Variants in SFMBT2 observed in about 807,000 individuals in gnomAD.
The protein encoded by SFMBT2 is Scm like with four mbt domains 2.
A neutral mutation model predicts 110.1 loss-of-function variants in SFMBT2; 38 were observed. The observed-to-expected ratio is 0.35, with a 90% CI of 0.27 to 0.45. SFMBT2 has a LOEUF of 0.45. SFMBT2 is among the 20% of genes least tolerant of loss of function. The pLI is 1.00. For missense variants in SFMBT2, 1,011 were observed against 1,094.9 expected, an observed-to-expected ratio of 0.92 and a Z score of 1.08; for synonymous variants, 425 against 425.4, an observed-to-expected ratio of 1.00 and a Z score of 0.01.
At chr10:7,400,549 T>C (rs1436455946) in intron 1 of SFMBT2, among the ~76,000 whole-genome samples, 2 of 152,176 alleles carry the variant, frequency 1.3e-5, no homozygotes, top group Non-Finnish European at 2.9e-5. Flanking sequence ...CATCCAGCGG[T>C]TGGCATCTCC....
Position 7,243,448 on chromosome 10 carries a change from C to A in SFMBT2, c.1120+110G>T, listed in dbSNP as rs1298134857. The A allele has an allele frequency of 4.0e-6, 3 of 746,028 alleles. No individual in the cohort carries two copies. In the African/African-American group the frequency reaches 5.2e-5, roughly 13 times the overall value. 46.2% of individuals were successfully genotyped at this position (746,028 alleles called of 1,614,324 possible). On this transcript the variant is annotated intron_variant, in intron 9 of 20. Transcript: ENST00000397167. ...GAAGAACGCCCTATTTCTACTACAT[C>A]TAAACCCTTTACACAACCAGCCTCC...
chr10:7,258,831 A>G (rs1015500599), intron 7 of SFMBT2, among the ~76,000 whole-genome samples: 1 of 152,242 alleles, frequency 6.6e-6, no homozygotes, highest in Non-Finnish European at 1.5e-5. Context: ...TAGTATTATG[A>G]CATTTCAATT....
chr10:7,362,654 C>T (rs1303036459), intron 4 of SFMBT2, among the ~76,000 whole-genome samples: 1 of 152,262 alleles, frequency 6.6e-6, no homozygotes. Context: ...CTGTTATCCA[C>T]AACCAACTGA....
chr10:7,367,569 T>C lies in SFMBT2; in HGVS notation c.436+80A>G. ...AGACCATTAGGGATTCTACGCAAGG[T>C]TCTCTCTGCTCCTTGCAAAATTACA... is the stretch of plus-strand genomic sequence containing the variant. On this transcript the variant is annotated intron_variant, in intron 4 of 20. Transcript: ENST00000397167. The surrounding 1 kb of genome is among the most constrained non-coding windows in gnomAD (Gnocchi z 6.2). The C allele has an allele frequency of 6.5e-7, 1 of 1,537,230 alleles. No homozygotes were observed. The highest frequency in any genetic ancestry group is 1.3e-5 in the South Asian group (1 of 79,850).
Position 7,227,925 on chromosome 10 carries a change from T to C in SFMBT2, c.1133A>G (p.Gln378Arg), listed in dbSNP as rs1368060992. 3 of 1,593,248 alleles carry C rather than the reference T, an allele frequency of 1.9e-6. No individual in the cohort carries two copies. Among genetic ancestry groups the C allele is most frequent in the Non-Finnish European group, 2.6e-6 (3 of 1,173,418 alleles). Reference protein sequence around the residue: ...SLTPPKGYSGQDFDWADYHKQ... With the variant: ...SLTPPKGYSGRDFDWADYHKQ... ...GTGATAATCTGCCCAGTCGAAGTCCTGGCCAGAGTAACCTGGGAATGACAA... is the reference window on the plus strand; with the variant it reads ...GTGATAATCTGCCCAGTCGAAGTCCCGGCCAGAGTAACCTGGGAATGACAA... The change falls in exon 10 of 21, where the codon CAG (glutamine) becomes CGG (arginine). Residue 378 changes from glutamine to arginine, a missense_variant. By Grantham distance (43) the Gln-to-Arg change is conservative. This residue lies in a region of SFMBT2 where 979 missense variants were observed against 1,016.1 expected (regional missense o/e 0.96). Coordinates refer to ENST00000397167, the MANE Select transcript of SFMBT2 (RefSeq NM_001387889.1).
In SFMBT2 at chr10:7,370,458, C is replaced by A. The variant is rs1312710199; in HGVS notation, c.101-83G>T. 6.0e-6 allele frequency: 7 copies of A among 1,166,340 alleles called. No individual in the cohort carries two copies. The African/African-American group carries it at 9.1e-5, about 15-fold the overall frequency. 72.2% of individuals were successfully genotyped at this position (1,166,340 alleles called of 1,614,324 possible). On this transcript the variant is annotated intron_variant, in intron 2 of 20. Coordinates refer to ENST00000397167, the MANE Select transcript of SFMBT2 (RefSeq NM_001387889.1). ...GGCCTGCAACTGAGACCAGAAAATCCTTCATACAAGACACAAGCTAATTCC... is the reference window on the plus strand; with the variant it reads ...GGCCTGCAACTGAGACCAGAAAATCATTCATACAAGACACAAGCTAATTCC...
intron 10 of SFMBT2, among the ~76,000 whole-genome samples, chr10:7,222,656 G>T (rs1839780105): frequency 6.6e-6 from 1 of 151,966 alleles, no homozygotes; most frequent in African/African-American, 2.4e-5. Flanking sequence ...AGATCTGCTG[G>T]GGTTCAATCC....
chr10:7,408,561 C>T lies in SFMBT2; in HGVS notation c.-52+2300G>A, dbSNP rs1846285026. ...CCGGAGGAGGTCCTCCCACCTGCCC[C>T]CGCCAGCCCCGGGGACCGTGCGCGG... is the stretch of plus-strand genomic sequence containing the variant. On this transcript the variant is annotated intron_variant, in intron 1 of 20. Transcript: ENST00000397167. The surrounding 1 kb of genome is among the most constrained non-coding windows in gnomAD (Gnocchi z 5.7). Among the ~76,000 whole-genome samples the T allele has an allele frequency of 6.6e-6, 1 of 152,176 alleles. No individual in the cohort carries two copies. The highest frequency in any genetic ancestry group is 1.5e-5 in the Non-Finnish European group (1 of 68,002).
chr10:7,407,056 C>G (rs1304793209), intron 1 of SFMBT2, among the ~76,000 whole-genome samples: 1 of 152,078 alleles, frequency 6.6e-6, no homozygotes, highest in Non-Finnish European at 1.5e-5. Flanking sequence ...TTGGTCCCAG[C>G]AAGAGCAAAG....
intron 4 of SFMBT2, among the ~76,000 whole-genome samples, chr10:7,332,514 A>G (rs1156538119): frequency 2.0e-5 from 3 of 152,218 alleles, no homozygotes; most frequent in Non-Finnish European, 4.4e-5. Context: ...TTAAACAGAC[A>G]TATTTATTTG....
intron 12 of SFMBT2, chr10:7,204,447 C>CTA: frequency 1.0e-6 from 1 of 985,130 alleles, no homozygotes. Context: ...CAGTTAAAAC[C>CTA]TGTTATCTCT....
chr10:7,216,482 C>T (rs1320066356), intron 11 of SFMBT2, among the ~76,000 whole-genome samples: 2 of 152,194 alleles, frequency 1.3e-5, no homozygotes, highest in African/African-American at 4.8e-5. Flanking sequence ...CCTATCCAGC[C>T]ATGTGGAACT....
At chr10:7,330,695 T>C (rs1843538199) in intron 4 of SFMBT2, among the ~76,000 whole-genome samples, 1 of 152,126 alleles carries the variant, frequency 6.6e-6, no homozygotes, top group African/African-American at 2.4e-5. Flanking sequence ...CTCCCATCTC[T>C]CTCTATCCCC....
intron 4 of SFMBT2, among the ~76,000 whole-genome samples, chr10:7,315,931 T>G (rs1842998334): frequency 6.6e-6 from 1 of 152,148 alleles, no homozygotes; most frequent in Non-Finnish European, 1.5e-5. Flanking sequence ...AAGAAGATGT[T>G]CAGGCATAGA....
intron 1 of SFMBT2, among the ~76,000 whole-genome samples, chr10:7,385,800 C>T (rs898642787): frequency 2.0e-5 from 3 of 152,026 alleles, no homozygotes; most frequent in African/African-American, 7.2e-5. Context: ...GAGATCAAGA[C>T]CATCCTGGCT....
chr10:7,316,883 AACACACAC>A (rs34939303), intron 4 of SFMBT2, among the ~76,000 whole-genome samples: 1 of 151,290 alleles, frequency 6.6e-6, no homozygotes, highest in Non-Finnish European at 1.5e-5. Context: ...CCCACACATA[AACACACAC>A]ACACACACAT....
intron 4 of SFMBT2, among the ~76,000 whole-genome samples, chr10:7,331,643 G>C (rs1270936984): frequency 6.6e-6 from 1 of 152,062 alleles, no homozygotes; most frequent in Admixed American, 6.5e-5. Flanking sequence ...CCAACACTGA[G>C]AACTTGCAAG....
chr10:7,315,354 C>G lies in SFMBT2; in HGVS notation c.437-29400G>C, dbSNP rs1842982189. ...TCGCAGGCCTGTATAGAACAAGAGTCTGATCCACCCCCAAGTGAGGGAGAA... is the reference window on the plus strand; with the variant it reads ...TCGCAGGCCTGTATAGAACAAGAGTGTGATCCACCCCCAAGTGAGGGAGAA... On this transcript the variant is annotated intron_variant, in intron 4 of 20. Transcript: ENST00000397167. 3.9e-5 allele frequency among the ~76,000 whole-genome samples: 6 copies of G among 152,234 alleles called. No homozygotes were observed. In the South Asian group the frequency reaches 1.2e-3, roughly 31 times the overall value.
At chr10:7,302,629 T>C (rs920824466) in intron 4 of SFMBT2, among the ~76,000 whole-genome samples, 3 of 152,226 alleles carry the variant, frequency 2.0e-5, no homozygotes, top group Admixed American at 1.3e-4. Context: ...GTAAAAGTGA[T>C]TGATTACAAG....
Sources: gnomAD v4.1 joint callset for allele counts (sites outside exome capture counted in the v4.1 genomes callset) on GRCh38, gnomAD v4.1.1 for gene constraint, gnomAD v4.1.1 regional missense constraint, Gnocchi (gnomAD v3.1) non-coding constraint, MANE v1.5 for transcripts, NCBI Gene and HGNC (gene_info 2026-07-23, HGNC 2026-07-21) for gene names.